FHIT: variants seen among roughly 807,000 people sequenced by gnomAD.
The protein encoded by FHIT is bis(5'-adenosyl)-triphosphatase.
In FHIT, 19 loss-of-function variants were observed where a neutral mutation model predicts 17.9. That is an observed-to-expected ratio of 1.06 (90% CI 0.74 to 1.56). The LOEUF is 1.56. Among genes scored for constraint, FHIT ranks in the 40% most tolerant of loss-of-function variants. The pLI, the probability that FHIT is intolerant of heterozygous loss-of-function variation, is 0.00. For missense variants in FHIT, 248 were observed against 189.2 expected, an observed-to-expected ratio of 1.31 and a Z score of -1.82; for synonymous variants, 81 against 69.7, an observed-to-expected ratio of 1.16 and a Z score of -0.81.
intron 5 of FHIT, among the ~76,000 whole-genome samples, chr3:60,081,729 G>A (rs530751339): frequency 5.9e-5 from 9 of 151,980 alleles, no homozygotes; most frequent in African/African-American, 1.7e-4. Flanking sequence ...AGATCTGTGG[G>A]GTGTGTGAAT....
intron 5 of FHIT, among the ~76,000 whole-genome samples, chr3:60,483,295 T>G (rs1056056328): frequency 6.6e-6 from 1 of 152,106 alleles, no homozygotes; most frequent in Non-Finnish European, 1.5e-5. Flanking sequence ...TTCCAAACAG[T>G]TGAAAAGCAG....
At chr3:60,385,864 C>A (rs969016603) in intron 5 of FHIT, among the ~76,000 whole-genome samples, 1 of 152,158 alleles carries the variant, frequency 6.6e-6, no homozygotes, top group Non-Finnish European at 1.5e-5. Context: ...ATATGTGAGC[C>A]ACTGTGCCTG....
chr3:61,148,729 A>G (rs1292557212), intron 2 of FHIT, among the ~76,000 whole-genome samples: 1 of 152,224 alleles, frequency 6.6e-6, no homozygotes, highest in Non-Finnish European at 1.5e-5. Context: ...AAGGGAAAAT[A>G]TACGACATAC....
chr3:60,376,923 T>G (rs192636455), intron 5 of FHIT, among the ~76,000 whole-genome samples: 27 of 152,330 alleles, frequency 1.8e-4, no homozygotes, highest in Non-Finnish European at 3.4e-4. Context: ...CTGGTTATAA[T>G]TCAGTGGGAA....
At chr3:60,747,211 G>A (rs1435085103) in intron 4 of FHIT, among the ~76,000 whole-genome samples, 1 of 151,786 alleles carries the variant, frequency 6.6e-6, no homozygotes, top group Non-Finnish European at 1.5e-5. Flanking sequence ...TCATCTAGCA[G>A]CACTGCTCCT....
At chr3:60,303,333 G>A (rs545335577) in intron 5 of FHIT, among the ~76,000 whole-genome samples, 1 of 152,160 alleles carries the variant, frequency 6.6e-6, no homozygotes, top group Non-Finnish European at 1.5e-5. Context: ...CTCAGATAAG[G>A]CTAATGGGTT....
At chr3:59,941,002 C>G (rs1706488102) in intron 7 of FHIT, among the ~76,000 whole-genome samples, 1 of 152,128 alleles carries the variant, frequency 6.6e-6, no homozygotes, top group African/African-American at 2.4e-5. Context: ...ATACTCACGG[C>G]CATGATCCCA....
intron 4 of FHIT, among the ~76,000 whole-genome samples, chr3:60,797,463 G>GTAA (rs1701022519): frequency 2.2e-5 from 1 of 46,168 alleles, no homozygotes; most frequent in African/African-American, 4.4e-5. Flanking sequence ...TGCAGTAGTA[G>GTAA]TAGTAGTAGT....
chr3:60,380,968 CCA>C (rs1700776705), intron 5 of FHIT, among the ~76,000 whole-genome samples: 1 of 134,350 alleles, frequency 7.4e-6, no homozygotes, highest in South Asian at 2.2e-4. Flanking sequence ...AACAAAAAAG[CCA>C]CACAGAGTGT....
At chr3:60,296,418 A>T (rs767384951) in intron 5 of FHIT, among the ~76,000 whole-genome samples, 6 of 152,114 alleles carry the variant, frequency 3.9e-5, no homozygotes, top group African/African-American at 7.2e-5. Flanking sequence ...CATTTTCCTT[A>T]GAGTTAATGA....
At chr3:61,140,324 G>A (rs1429822870) in intron 2 of FHIT, among the ~76,000 whole-genome samples, 1 of 152,158 alleles carries the variant, frequency 6.6e-6, no homozygotes, top group African/African-American at 2.4e-5. Flanking sequence ...AAAAAATATA[G>A]AATAAGTAAG....
chr3:60,639,406 TA>T (rs1425700137), intron 4 of FHIT, among the ~76,000 whole-genome samples: 3 of 152,000 alleles, frequency 2.0e-5, no homozygotes, highest in African/African-American at 7.2e-5. Flanking sequence ...AAATCAATGC[TA>T]AAAGACCAAA....
At chr3:60,962,141 T>C (rs928768525) in intron 3 of FHIT, among the ~76,000 whole-genome samples, 1 of 152,222 alleles carries the variant, frequency 6.6e-6, no homozygotes, top group South Asian at 2.1e-4. Context: ...AAGAGGTCCT[T>C]CCCATCTCTT....
chr3:60,478,304 T>C (rs142109222), intron 5 of FHIT, among the ~76,000 whole-genome samples: 101 of 152,300 alleles, frequency 6.6e-4, no homozygotes, highest in Admixed American at 2.5e-3. Context: ...TTCCAAACAA[T>C]TGGTTAACTA....
In FHIT at chr3:60,276,229, G is replaced by A. The variant is rs532872253; in HGVS notation, c.103+260631C>T. ...CCTCGATCTCCTGACCTCGTGATCC[G>A]CCTGCCTCGGCCACCTAAAGTACTG... On this transcript the variant is annotated intron_variant, in intron 5 of 9. Coordinates refer to ENST00000492590, the MANE Select transcript of FHIT (RefSeq NM_002012.4). 6.6e-5 allele frequency among the ~76,000 whole-genome samples: 10 copies of A among 152,136 alleles called. 1 individual carries two copies. Among genetic ancestry groups the A allele is most frequent in the East Asian group, 5.8e-4 (3 of 5,170 alleles).
chr3:60,543,831 G>T (rs2036265900), intron 4 of FHIT, among the ~76,000 whole-genome samples: 1 of 148,884 alleles, frequency 6.7e-6, no homozygotes, highest in South Asian at 2.2e-4. Context: ...TGTAAGCTCC[G>T]CTTCCCAGGT....
chr3:60,814,895 G>C (rs546032024), intron 4 of FHIT, among the ~76,000 whole-genome samples: 1 of 147,018 alleles, frequency 6.8e-6, no homozygotes, highest in South Asian at 2.2e-4. Context: ...GTTTAGTTTT[G>C]TTTTGTTTTT....
At chr3:59,751,164 T>G (rs903247656) in intron 9 of FHIT, 2 of 179,886 alleles carry the variant, frequency 1.1e-5, no homozygotes, top group Non-Finnish European at 2.4e-5. Flanking sequence ...ATTTTTTTAG[T>G]CTAGATATAT....
chr3:61,020,952 G>T (rs1341631973), intron 3 of FHIT, among the ~76,000 whole-genome samples: 1 of 152,132 alleles, frequency 6.6e-6, no homozygotes, highest in Non-Finnish European at 1.5e-5. Context: ...TTACATAATG[G>T]TAAAGGGATC....
Sources: allele counts gnomAD v4.1 joint callset (sites outside exome capture counted in the v4.1 genomes callset), GRCh38; gene constraint gnomAD v4.1.1; transcripts MANE v1.5; gene names NCBI Gene and HGNC (gene_info 2026-07-23, HGNC 2026-07-21).